Variants in VWDE observed in about 807,000 individuals in gnomAD.
VWDE encodes the protein von Willebrand factor D and EGF domains.
VWDE carries 207 observed loss-of-function variants against 178.4 expected under a neutral mutation model. The ratio of observed to expected loss-of-function variants is 1.16; its 90% confidence interval spans 1.04 to 1.30. The LOEUF is 1.30. VWDE is among the 50% of genes most tolerant of loss of function. The pLI is 0.00. For synonymous variants in VWDE, 738 were observed against 651.4 expected (o/e 1.13, Z -2.02); for missense variants, 2,287 against 1,901.3 (o/e 1.20, Z -3.77).
intron 5 of VWDE, 147 bp from the exon 6 acceptor site, chr7:12,379,713 T>C: frequency 1.8e-6 from 1 of 546,550 alleles, no homozygotes; most frequent in Non-Finnish European, 3.0e-6. Flanking sequence ...GCTTACTTGA[T>C]ATTTCAGAAA....
intron 4 of VWDE, among the ~76,000 whole-genome samples, chr7:12,381,321 G>A (rs1469247241): frequency 6.6e-6 from 1 of 151,970 alleles, no homozygotes; most frequent in Non-Finnish European, 1.5e-5. Flanking sequence ...TGAACTCTGG[G>A]CATTTGCAAA....
chr7:12,355,543 T>C (rs1782194073), intron 18 of VWDE, among the ~76,000 whole-genome samples: 1 of 152,224 alleles, frequency 6.6e-6, no homozygotes, highest in East Asian at 1.9e-4. Flanking sequence ...ACTTATTTAA[T>C]ATTTACATCT....
chr7:12,370,664 A>C lies in VWDE; in HGVS notation c.1788T>G (p.Asn596Lys), dbSNP rs1386577586. 1 of 1,550,862 alleles carries C rather than the reference A, an allele frequency of 6.4e-7. No homozygotes were observed. Among genetic ancestry groups the C allele is most frequent in the Admixed American group, 2.0e-5 (1 of 50,960 alleles). ...QNFNNYVAFI[N>K]EWRILPGKSM... ...GAAAAATAGTGTCTTACCTCCATTC[A>C]TTAATAAAAGCAACATAATTGTTAA... The change falls in exon 11 of 29, where the codon AAT becomes AAG. Residue 596 changes from asparagine (N) to lysine (K), a missense_variant. Transcript: ENST00000275358.
At chr7:12,395,229 G>A (rs1784568443) in intron 1 of VWDE, among the ~76,000 whole-genome samples, 2 of 151,868 alleles carry the variant, frequency 1.3e-5, no homozygotes, top group African/African-American at 4.8e-5. Context: ...GGAGTCAAGG[G>A]ATGTGCTATC....
At chr7:12,403,573 A>T (rs892714484) in intron 1 of VWDE, 86 bp downstream of exon 1, 1 of 1,320,928 alleles carries the variant, frequency 7.6e-7, no homozygotes, top group African/African-American at 1.5e-5. Flanking sequence ...GACGCTCCCC[A>T]AGTCGTCCAA....
intron 4 of VWDE, among the ~76,000 whole-genome samples, chr7:12,382,218 G>A (rs1299105634): frequency 6.6e-6 from 1 of 151,514 alleles, no homozygotes; most frequent in African/African-American, 2.4e-5. Flanking sequence ...GTTCTAAAGA[G>A]CATAATAAGT....
At chr7:12,333,659 T>G in intron 27 of VWDE, 91 bp from the exon 28 acceptor site, 1 of 776,572 alleles carries the variant, frequency 1.3e-6, no homozygotes, top group Middle Eastern at 2.3e-4. Context: ...ATCTGGTGAT[T>G]GGACACCAAT....
chr7:12,358,680 A>C (rs918151558), intron 16 of VWDE, among the ~76,000 whole-genome samples: 6 of 152,188 alleles, frequency 3.9e-5, no homozygotes, highest in African/African-American at 1.4e-4. Context: ...TGAGAGATTT[A>C]AAAGACATGA....
chr7:12,399,545 GAAC>G (rs753362507), intron 1 of VWDE, among the ~76,000 whole-genome samples: 26 of 152,130 alleles, frequency 1.7e-4, no homozygotes, highest in Non-Finnish European at 2.9e-4. Context: ...ATATAAATTA[GAAC>G]AACAATATAA....
intron 18 of VWDE, among the ~76,000 whole-genome samples, chr7:12,352,496 G>T (rs1781998157): frequency 6.6e-6 from 1 of 152,210 alleles, no homozygotes; most frequent in Non-Finnish European, 1.5e-5. Context: ...TCACTCATGT[G>T]TAAGGGGATT....
At chr7:12,335,114 A>G (rs1780943936) in intron 27 of VWDE, among the ~76,000 whole-genome samples, 1 of 152,180 alleles carries the variant, frequency 6.6e-6, no homozygotes, top group Non-Finnish European at 1.5e-5. Flanking sequence ...AGGGTACATT[A>G]TTTCTAGTAA....
At position 12,364,130 on chromosome 7, in the gene VWDE, C is replaced by A. The variant is rs563896139; in HGVS notation, c.2899-2609G>T. Among the ~76,000 whole-genome samples the A allele has an allele frequency of 2.2e-3, 342 of 152,118 alleles. 3 individuals carry two copies. Among genetic ancestry groups the A allele is most frequent in the African/African-American group, 7.6e-3 (315 of 41,552 alleles). On this transcript the variant is annotated intron_variant, in intron 13 of 28. Coordinates refer to ENST00000275358, the MANE Select transcript of VWDE (RefSeq NM_001135924.3). The stretch of plus-strand genomic sequence containing the variant: ...AAGGAAAGGAGAAGGCTAGAATGAA[C>A]CTTATGGCACTGCACTGAAATCAGA...
At chr7:12,383,294 C>T (rs1783944004) in intron 4 of VWDE, among the ~76,000 whole-genome samples, 1 of 152,044 alleles carries the variant, frequency 6.6e-6, no homozygotes, top group Admixed American at 6.6e-5. Context: ...ATATGAACTG[C>T]CAAATTTTCT....
chr7:12,340,404 A>G lies in VWDE; in HGVS notation c.4284T>C (p.Pro1428=). The change falls in exon 24 of 29, where the codon CCT becomes CCC. Residue 1428 remains proline, a synonymous_variant. Coordinates refer to ENST00000275358, the MANE Select transcript of VWDE (RefSeq NM_001135924.3). The stretch of plus-strand genomic sequence containing the variant: ...TACACGAACCACCATTGAGGCAGAC[A>G]GGGTCGCACAAAGCTAATAAACAGC... ...GPTCSTALCD[P]VCLNGGSCNK... 4.5e-6 allele frequency: 7 copies of G among 1,551,114 alleles called. No individual in the cohort carries two copies. Among genetic ancestry groups the G allele is most frequent in the Non-Finnish European group, 6.1e-6 (7 of 1,146,702 alleles).
intron 9 of VWDE, among the ~76,000 whole-genome samples, chr7:12,373,536 A>AAAG (rs1562498922): frequency 1.3e-5 from 2 of 152,066 alleles, no homozygotes; most frequent in East Asian, 1.9e-4. Context: ...TGTCACCCTC[A>AAAG]CCAAATGGCT....
chr7:12,361,320 G>T (rs1462686660), intron 14 of VWDE, 46 bp downstream of exon 14: 1 of 1,537,322 alleles, frequency 6.5e-7, no homozygotes, highest in Admixed American at 2.0e-5. Context: ...GAAATGTTAA[G>T]TATTTACTTT....
chr7:12,369,092 T>C (rs1009358715), intron 12 of VWDE, among the ~76,000 whole-genome samples: 44 of 152,200 alleles, frequency 2.9e-4, no homozygotes, highest in African/African-American at 1.0e-3. Context: ...GAAAAAGAGT[T>C]TTAAGCAAAT....
chr7:12,354,319 A>G (rs756915958), intron 18 of VWDE: 35 of 402,028 alleles, frequency 8.7e-5, no homozygotes, highest in South Asian at 6.3e-4. Flanking sequence ...GCAGCAAAAA[A>G]AATCTCATAG....
Position 12,331,203 on chromosome 7 carries a change from G to A in VWDE, c.4759-6C>T. The A allele has an allele frequency of 6.5e-7, 1 of 1,539,918 alleles. No individual in the cohort carries two copies. Among genetic ancestry groups the A allele is most frequent in the Non-Finnish European group, 8.8e-7 (1 of 1,138,642 alleles). On this transcript the variant is annotated splice_region_variant and splice_polypyrimidine_tract_variant and intron_variant, in intron 28 of 28. Transcript: ENST00000275358. ...GCTACTCAATGGCGTCTTATCTGTA[G>A]TAGGAAGAAGGAAATTGTGTTTCAA...
Sources: allele counts gnomAD v4.1 joint callset (sites outside exome capture counted in the v4.1 genomes callset), GRCh38; gene constraint gnomAD v4.1.1; transcripts MANE v1.5; gene names NCBI Gene and HGNC (gene_info 2026-07-23, HGNC 2026-07-21).